Variants in RBPMS observed in about 807,000 individuals in gnomAD.
The protein encoded by RBPMS is RNA-binding protein with multiple splicing.
In RBPMS, 7 loss-of-function variants were observed where a neutral mutation model predicts 26.8. The observed-to-expected ratio is 0.26, with a 90% CI of 0.15 to 0.49. The LOEUF is 0.49. Among genes scored for constraint, RBPMS ranks in the 20% least tolerant of loss-of-function variants. The pLI, the probability that RBPMS is intolerant of heterozygous loss-of-function variation, is 0.98. For missense variants in RBPMS, 186 were observed against 250.0 expected (o/e 0.74, Z 1.73); for synonymous variants, 96 against 93.3 (o/e 1.03, Z -0.17).
intron 1 of RBPMS, among the ~76,000 whole-genome samples, chr8:30,449,779 G>A (rs1481566670): frequency 6.6e-6 from 1 of 152,224 alleles, no homozygotes; most frequent in East Asian, 1.9e-4. Context: ...CTGCTCCTAT[G>A]AGGCTTGAGG....
chr8:30,413,555 C>T (rs536376773), intron 1 of RBPMS, among the ~76,000 whole-genome samples: 43 of 152,274 alleles, frequency 2.8e-4, no homozygotes, highest in Admixed American at 4.6e-4. Context: ...AAGATAAATA[C>T]CAATATTTGG....
At chr8:30,484,941 T>G (rs1434259263) in intron 4 of RBPMS, among the ~76,000 whole-genome samples, 2 of 152,228 alleles carry the variant, frequency 1.3e-5, no homozygotes, top group Non-Finnish European at 2.9e-5. Flanking sequence ...AATTCATTAG[T>G]TCTATACCAA....
intron 1 of RBPMS, chr8:30,446,915 T>C (rs139843321): frequency 6.5e-4 from 99 of 152,258 alleles, no homozygotes; most frequent in African/African-American, 2.2e-3. Context: ...GGTGACTTTA[T>C]ATTTTGATTC....
chr8:30,385,343 T>C (rs1585306667), intron 1 of RBPMS, 185 bp downstream of exon 1: 2 of 425,816 alleles, frequency 4.7e-6, no homozygotes, highest in East Asian at 7.7e-5. Flanking sequence ...TCCACGCGCG[T>C]CTGCGGGCCC....
intron 1 of RBPMS, among the ~76,000 whole-genome samples, chr8:30,468,212 T>C (rs1816720234): frequency 6.6e-6 from 1 of 152,190 alleles, no homozygotes; most frequent in Non-Finnish European, 1.5e-5. Flanking sequence ...TTTGTTGAAA[T>C]TGGACGTATG....
intron 7 of RBPMS, chr8:30,563,965 CTAA>C (rs1417979550): frequency 6.6e-6 from 1 of 152,304 alleles, no homozygotes; most frequent in African/African-American, 2.4e-5. Context: ...ATACCTAAGG[CTAA>C]TACGGTGAGC....
chr8:30,385,846 T>G (rs926199439), intron 1 of RBPMS, among the ~76,000 whole-genome samples: 1 of 152,086 alleles, frequency 6.6e-6, no homozygotes, highest in African/African-American at 2.4e-5. Context: ...AGCATGCATT[T>G]TAGGTGGTGC....
chr8:30,469,376 A>G (rs1816845732), intron 1 of RBPMS, among the ~76,000 whole-genome samples: 1 of 152,260 alleles, frequency 6.6e-6, no homozygotes, highest in South Asian at 2.1e-4. Flanking sequence ...CCATTTAAGA[A>G]CACGTGGCCA....
At chr8:30,530,660 CCAGGTTGGT>C (rs1447555886) in intron 5 of RBPMS, among the ~76,000 whole-genome samples, 3 of 152,092 alleles carry the variant, frequency 2.0e-5, no homozygotes, top group African/African-American at 7.2e-5. Context: ...CGGGGTTTCT[CCAGGTTGGT>C]CAGGTTGGTC....
intron 4 of RBPMS, 149 bp downstream of exon 4, chr8:30,479,526 C>A: frequency 1.4e-6 from 1 of 689,988 alleles, no homozygotes; most frequent in East Asian, 2.7e-5. Context: ...CTCTAAAGAG[C>A]TTTTTCCAAG....
intron 6 of RBPMS, chr8:30,553,777 T>G (rs1433718521): frequency 6.6e-6 from 1 of 152,130 alleles, no homozygotes; most frequent in Admixed American, 6.6e-5. Flanking sequence ...CTGTGGGTTT[T>G]GTTTTGTTTT....
intron 7 of RBPMS, among the ~76,000 whole-genome samples, chr8:30,560,413 A>G (rs1827360855): frequency 6.6e-6 from 1 of 152,226 alleles, no homozygotes; most frequent in African/African-American, 2.4e-5. Context: ...GACGATTCTC[A>G]GAGCAGCCAG....
rs370380833 is a variant in RBPMS, at chr8:30,490,649, CAG to C, written c.246+11273_246+11274del. On this transcript the variant is annotated intron_variant, in intron 4 of 8. Coordinates refer to ENST00000397323, the MANE Select transcript of RBPMS (RefSeq NM_001008710.3). ...TAATTTTTTGTATATTTGGTAGAGA[CAG>C]GGTTTCACCATACCATGTTGGTCAG... Among the ~76,000 whole-genome samples the C allele has an allele frequency of 5.3e-5, 8 of 152,252 alleles. No homozygotes were observed. In the East Asian group the frequency reaches 1.5e-3, roughly 29 times the overall value.
At chr8:30,521,831 A>G (rs1362942336) in intron 5 of RBPMS, among the ~76,000 whole-genome samples, 5 of 152,056 alleles carry the variant, frequency 3.3e-5, no homozygotes, top group African/African-American at 1.2e-4. Flanking sequence ...GGGAGTACAG[A>G]TATTTGTTAA....
At chr8:30,408,790 A>G (rs1222840032) in intron 1 of RBPMS, among the ~76,000 whole-genome samples, 2 of 152,216 alleles carry the variant, frequency 1.3e-5, no homozygotes, top group Non-Finnish European at 2.9e-5. Flanking sequence ...TATCACCACT[A>G]TCTAATTTTA....
chr8:30,451,985 TAGGG>T (rs1463703165), intron 1 of RBPMS, among the ~76,000 whole-genome samples: 1 of 152,128 alleles, frequency 6.6e-6, no homozygotes, highest in Non-Finnish European at 1.5e-5. Flanking sequence ...TGGCACCTTT[TAGGG>T]AGGAAGCAGC....
chr8:30,467,929 C>G (rs1323521754), intron 1 of RBPMS, among the ~76,000 whole-genome samples: 1 of 152,036 alleles, frequency 6.6e-6, no homozygotes, highest in Non-Finnish European at 1.5e-5. Context: ...ATCTATAATT[C>G]TACCTTCCTC....
rs190419697 is a variant in RBPMS, at chr8:30,454,407, T to G, written c.67-20372T>G. Reference sequence around the variant, plus strand: ...AATGGCGAACCGTCATGAAGTACATTAGGGGTATATGTGTAGGGGCTGATG... The same window carrying G: ...AATGGCGAACCGTCATGAAGTACATGAGGGGTATATGTGTAGGGGCTGATG... On this transcript the variant is annotated intron_variant, in intron 1 of 8. Coordinates refer to ENST00000397323, the MANE Select transcript of RBPMS (RefSeq NM_001008710.3). Among the ~76,000 whole-genome samples, 72 of 152,262 alleles carry G rather than the reference T, an allele frequency of 4.7e-4. No individual in the cohort carries two copies. The South Asian group carries it at 4.8e-3, about 10-fold the overall frequency.
intron 5 of RBPMS, among the ~76,000 whole-genome samples, chr8:30,510,943 C>T (rs1032711064): frequency 2.6e-4 from 40 of 151,948 alleles, no homozygotes; most frequent in African/African-American, 8.9e-4. Context: ...GTGCTTTAAA[C>T]TCACTCAGAC....
Sources: gnomAD v4.1 joint callset for allele counts (sites outside exome capture counted in the v4.1 genomes callset) on GRCh38, gnomAD v4.1.1 for gene constraint, MANE v1.5 for transcripts, NCBI Gene and HGNC (gene_info 2026-07-23, HGNC 2026-07-21) for gene names.